NELL1: variants seen among roughly 807,000 people sequenced by gnomAD.
NELL1 encodes the protein neural EGFL like 1, also known as protein kinase C-binding protein NELL1.
NELL1 carries 76 observed loss-of-function variants against 107.4 expected under a neutral mutation model. That is an observed-to-expected ratio of 0.71 (90% CI 0.59 to 0.86). The LOEUF (loss-of-function observed/expected upper bound fraction) is 0.86. NELL1 is among the 40% of genes least tolerant of loss of function. NELL1 has a pLI of 0.00. For synonymous variants in NELL1, 353 were observed against 341.2 expected (o/e 1.03, Z -0.38); for missense variants, 1,024 against 1,005.5 (o/e 1.02, Z -0.25).
chr11:21,083,108 A>G (rs1197392372), intron 12 of NELL1, among the ~76,000 whole-genome samples: 1 of 152,220 alleles, frequency 6.6e-6, no homozygotes, highest in East Asian at 1.9e-4. Context: ...CTCTTGGCTG[A>G]AGTAGAGAGA....
chr11:21,432,771 G>A lies in NELL1; in HGVS notation c.1645+61823G>A, dbSNP rs372806489. Among the ~76,000 whole-genome samples, 3 of 152,136 alleles carry A rather than the reference G, an allele frequency of 2.0e-5. No homozygotes were observed. The South Asian group carries it at 6.2e-4, about 32-fold the overall frequency. On this transcript the variant is annotated intron_variant, in intron 15 of 19. Coordinates refer to ENST00000357134, the MANE Select transcript of NELL1 (RefSeq NM_006157.5). ...ATTATACTTATTTATGGTATATAGA[G>A]AGATATTTTGATACATGTATACAAT...
At chr11:20,793,169 G>A (rs924834879) in intron 3 of NELL1, among the ~76,000 whole-genome samples, 2 of 151,836 alleles carry the variant, frequency 1.3e-5, no homozygotes. Context: ...TTTTATTATT[G>A]AAATGTTCAT....
At chr11:20,765,488 C>G (rs1204048631) in intron 2 of NELL1, among the ~76,000 whole-genome samples, 1 of 152,148 alleles carries the variant, frequency 6.6e-6, no homozygotes, top group Non-Finnish European at 1.5e-5. Flanking sequence ...TGGTAATTAA[C>G]ATAGACCAGG....
chr11:21,479,487 T>C lies in NELL1; in HGVS notation c.1646-54887T>C, dbSNP rs560375640. ...CACTTATTTTGAGGAACTACAAATT[T>C]AAACAGTTAACTAATAGAGATGAAA... On this transcript the variant is annotated intron_variant, in intron 15 of 19. Coordinates refer to ENST00000357134, the MANE Select transcript of NELL1 (RefSeq NM_006157.5). 2.6e-5 allele frequency among the ~76,000 whole-genome samples: 4 copies of C among 152,266 alleles called. No individual in the cohort carries two copies. In the East Asian group the frequency reaches 7.7e-4, roughly 29 times the overall value.
intron 15 of NELL1, among the ~76,000 whole-genome samples, chr11:21,454,320 G>A (rs1002407285): frequency 1.5e-4 from 22 of 150,828 alleles, no homozygotes; most frequent in Non-Finnish European, 1.5e-4. Flanking sequence ...TCTTAATCCA[G>A]TCTATCATTG....
chr11:21,477,212 G>A (rs2133894289), intron 15 of NELL1, among the ~76,000 whole-genome samples: 1 of 152,164 alleles, frequency 6.6e-6, no homozygotes, highest in East Asian at 1.9e-4. Context: ...TTTGCTTGAG[G>A]AAAGGAGAGG....
At chr11:21,060,348 T>A (rs1853710059) in intron 12 of NELL1, among the ~76,000 whole-genome samples, 1 of 152,214 alleles carries the variant, frequency 6.6e-6, no homozygotes, top group Non-Finnish European at 1.5e-5. Context: ...AAACTATGCA[T>A]GTTAATAGCC....
At chr11:21,051,302 T>A (rs1278362966) in intron 12 of NELL1, among the ~76,000 whole-genome samples, 1 of 152,156 alleles carries the variant, frequency 6.6e-6, no homozygotes, top group African/African-American at 2.4e-5. Flanking sequence ...CCAAACACTA[T>A]ATGTTCTCAC....
chr11:20,769,732 A>G, intron 2 of NELL1: 1 of 152,686 alleles, frequency 6.5e-6, no homozygotes, highest in Non-Finnish European at 1.5e-5. Context: ...GAACTCTGGG[A>G]GGGAGAAGGG....
intron 9 of NELL1, among the ~76,000 whole-genome samples, chr11:20,934,512 G>C (rs548718661): frequency 1.3e-5 from 2 of 152,206 alleles, no homozygotes; most frequent in Non-Finnish European, 2.9e-5. Flanking sequence ...TAGGAGTTTT[G>C]GGATGAGCCT....
intron 15 of NELL1, among the ~76,000 whole-genome samples, chr11:21,484,432 C>T (rs1317634177): frequency 6.6e-6 from 1 of 151,452 alleles, no homozygotes; most frequent in East Asian, 1.9e-4. Context: ...AATTTTTTTT[C>T]TCCTTACCTC....
At chr11:21,320,093 T>G (rs568711136) in intron 14 of NELL1, among the ~76,000 whole-genome samples, 28 of 152,220 alleles carry the variant, frequency 1.8e-4, no homozygotes. Context: ...CTCCAGCTAC[T>G]TCTATGCCTG....
At position 21,573,405 on chromosome 11, in the gene NELL1, G is replaced by A; in HGVS notation, c.2378G>A (p.Cys793Tyr). Residue 793 changes from cysteine to tyrosine, a missense_variant, in exon 19 of 20, where the codon TGC (cysteine) becomes TAC (tyrosine). Physicochemically the swap from Cys to Tyr is radical, Grantham distance 194. Transcript: ENST00000357134. ...GGATCTCCCTGCACAACCTGTAAATGCAAGGTAATTGGATGTTCTGCGGAT... is the reference window on the plus strand; with the variant it reads ...GGATCTCCCTGCACAACCTGTAAATACAAGGTAATTGGATGTTCTGCGGAT... The part of the protein sequence containing the change: ...MAGSPCTTCK[C>Y]KNGRVCCSVD... 1 of 1,611,064 alleles carries A rather than the reference G, an allele frequency of 6.2e-7. No homozygotes were observed. The highest frequency in any genetic ancestry group is 8.5e-7 in the Non-Finnish European group (1 of 1,178,330).
At chr11:21,549,089 T>C (rs1856513651) in intron 16 of NELL1, among the ~76,000 whole-genome samples, 1 of 151,868 alleles carries the variant, frequency 6.6e-6, no homozygotes, top group South Asian at 2.1e-4. Flanking sequence ...ACAGGGTTTA[T>C]GAATATCCAA....
At chr11:21,484,562 G>A (rs1216396764) in intron 15 of NELL1, among the ~76,000 whole-genome samples, 1 of 151,618 alleles carries the variant, frequency 6.6e-6, no homozygotes, top group Non-Finnish European at 1.5e-5. Context: ...TTGTGTTTAT[G>A]TATGTATACA....
chr11:21,425,031 CA>C lies in NELL1; in HGVS notation c.1645+54090del, dbSNP rs939369353. 4.6e-5 allele frequency among the ~76,000 whole-genome samples: 7 copies of C among 151,930 alleles called. No individual in the cohort carries two copies. In the East Asian group the frequency reaches 5.8e-4, roughly 13 times the overall value. On this transcript the variant is annotated intron_variant, in intron 15 of 19. Coordinates refer to ENST00000357134, the MANE Select transcript of NELL1 (RefSeq NM_006157.5). Reference sequence around the variant, plus strand: ...TTATGAATGTTAATGCAAACATCCTCAAAAAAATACTAGCAAAATTAATTCA... The same window carrying C: ...TTATGAATGTTAATGCAAACATCCTCAAAAAATACTAGCAAAATTAATTCA...
chr11:20,700,352 G>A (rs1384810413), intron 2 of NELL1, among the ~76,000 whole-genome samples: 1 of 151,916 alleles, frequency 6.6e-6, no homozygotes, highest in Non-Finnish European at 1.5e-5. Context: ...GGTGGCACGT[G>A]CCTGTAGTCC....
intron 15 of NELL1, among the ~76,000 whole-genome samples, chr11:21,459,011 A>C (rs1228051857): frequency 6.6e-6 from 1 of 152,140 alleles, no homozygotes; most frequent in Non-Finnish European, 1.5e-5. Context: ...GGCACAGCAA[A>C]GAAGAACCAT....
intron 13 of NELL1, among the ~76,000 whole-genome samples, chr11:21,119,733 G>A (rs1855321074): frequency 6.6e-6 from 1 of 152,064 alleles, no homozygotes; most frequent in South Asian, 2.1e-4. Flanking sequence ...AGAGGTCCCT[G>A]AAATGGAGGT....
Sources: allele counts gnomAD v4.1 joint callset (sites outside exome capture counted in the v4.1 genomes callset), GRCh38; gene constraint gnomAD v4.1.1; transcripts MANE v1.5; gene names NCBI Gene and HGNC (gene_info 2026-07-23, HGNC 2026-07-21).